Variants in ANTXR1 observed in about 807,000 individuals in gnomAD.
ANTXR1 encodes ANTXR cell adhesion molecule 1.
ANTXR1 carries 19 observed loss-of-function variants against 78.1 expected under a neutral mutation model. The observed-to-expected ratio is 0.24, with a 90% CI of 0.17 to 0.36. ANTXR1 has a LOEUF of 0.36. Among genes scored for constraint, ANTXR1 ranks in the 10% least tolerant of loss-of-function variants. The pLI, the probability that ANTXR1 is intolerant of heterozygous loss-of-function variation, is 1.00. For synonymous variants in ANTXR1, 273 were observed against 260.5 expected, an observed-to-expected ratio of 1.05 and a Z score of -0.46; for missense variants, 518 against 718.6, an observed-to-expected ratio of 0.72 and a Z score of 3.19.
intron 10 of ANTXR1, among the ~76,000 whole-genome samples, chr2:69,105,608 A>T (rs1671783339): frequency 6.6e-6 from 1 of 152,198 alleles, no homozygotes; most frequent in Non-Finnish European, 1.5e-5. Flanking sequence ...AACTTTATAA[A>T]TGTCATAGTT....
chr2:69,190,300 G>A (rs1340130557), intron 16 of ANTXR1, among the ~76,000 whole-genome samples: 1 of 152,220 alleles, frequency 6.6e-6, no homozygotes, highest in Non-Finnish European at 1.5e-5. Context: ...AATTTGGGTG[G>A]AGTGATTGGG....
chr2:69,219,113 C>T (rs953759364), intron 17 of ANTXR1, among the ~76,000 whole-genome samples: 1 of 152,102 alleles, frequency 6.6e-6, no homozygotes, highest in Non-Finnish European at 1.5e-5. Flanking sequence ...CCTCCTCATC[C>T]ACCACGAAAG....
intron 17 of ANTXR1, among the ~76,000 whole-genome samples, chr2:69,232,346 A>C (rs1435237980): frequency 6.6e-6 from 1 of 152,136 alleles, no homozygotes; most frequent in African/African-American, 2.4e-5. Context: ...ACCTGAAAAA[A>C]GAGAGAACAT....
chr2:69,153,180 C>T (rs958160102), intron 13 of ANTXR1, among the ~76,000 whole-genome samples: 1 of 152,082 alleles, frequency 6.6e-6, no homozygotes, highest in African/African-American at 2.4e-5. Context: ...ATGGAAGGGC[C>T]GGCAAGGCAC....
intron 10 of ANTXR1, among the ~76,000 whole-genome samples, chr2:69,122,771 T>A (rs939864369): frequency 6.7e-6 from 1 of 149,680 alleles, no homozygotes; most frequent in African/African-American, 2.5e-5. Context: ...CAGTCCCCGG[T>A]GTGTGATGTT....
At chr2:69,100,650 T>C (rs1410724280) in intron 9 of ANTXR1, among the ~76,000 whole-genome samples, 1 of 152,100 alleles carries the variant, frequency 6.6e-6, no homozygotes, top group Non-Finnish European at 1.5e-5. Context: ...ACAAGAGAAG[T>C]AGGCACAGAA....
intron 9 of ANTXR1, among the ~76,000 whole-genome samples, chr2:69,095,252 C>T (rs1671361338): frequency 6.6e-6 from 1 of 150,688 alleles, no homozygotes; most frequent in African/African-American, 2.4e-5. Context: ...TCCTTTCTTC[C>T]TCCTTTCATC....
chr2:69,192,595 A>G (rs948188415), intron 16 of ANTXR1, among the ~76,000 whole-genome samples: 11 of 152,190 alleles, frequency 7.2e-5, no homozygotes, highest in African/African-American at 2.2e-4. Flanking sequence ...CCTTAATCAC[A>G]TTTGCAAAGT....
chr2:69,199,387 A>G (rs1200279983), intron 17 of ANTXR1, among the ~76,000 whole-genome samples: 13 of 152,144 alleles, frequency 8.5e-5, no homozygotes, highest in Non-Finnish European at 1.6e-4. Flanking sequence ...GTCCTAGGCA[A>G]TATTTCTATA....
intron 1 of ANTXR1, among the ~76,000 whole-genome samples, chr2:69,031,378 C>G (rs1463734071): frequency 6.6e-6 from 1 of 152,138 alleles, no homozygotes; most frequent in Non-Finnish European, 1.5e-5. Context: ...TGTAGCTTAT[C>G]TTAATTGATA....
chr2:69,181,763 C>T, intron 14 of ANTXR1, 23 bp from the exon 15 acceptor site: 1 of 1,612,792 alleles, frequency 6.2e-7, no homozygotes, highest in Non-Finnish European at 8.5e-7. Context: ...TTGCTTCCTT[C>T]ATGTGCCACA....
At chr2:69,124,842 G>A (rs1376413246) in intron 12 of ANTXR1, among the ~76,000 whole-genome samples, 199 bp downstream of exon 12, 2 of 152,180 alleles carry the variant, frequency 1.3e-5, no homozygotes, top group Non-Finnish European at 2.9e-5. Context: ...TATCAGGCAT[G>A]TCTGTGTTAA....
intron 16 of ANTXR1, among the ~76,000 whole-genome samples, chr2:69,192,345 T>C (rs1305417585): frequency 6.6e-6 from 1 of 152,198 alleles, no homozygotes; most frequent in Non-Finnish European, 1.5e-5. Context: ...TTGTCTTTTA[T>C]AGATGCTAGA....
intron 17 of ANTXR1, among the ~76,000 whole-genome samples, chr2:69,216,910 G>T (rs987831110): frequency 6.6e-6 from 1 of 152,180 alleles, no homozygotes; most frequent in Non-Finnish European, 1.5e-5. Flanking sequence ...AGCACTCTCT[G>T]GGTGCTGCCT....
intron 12 of ANTXR1, among the ~76,000 whole-genome samples, chr2:69,127,683 G>A (rs1051066222): frequency 3.3e-5 from 5 of 152,124 alleles, no homozygotes; most frequent in African/African-American, 1.2e-4. Context: ...AATGGAGGTG[G>A]AGAGAAGTTG....
chr2:69,130,029 T>G (rs771055857), intron 12 of ANTXR1, among the ~76,000 whole-genome samples: 3 of 152,208 alleles, frequency 2.0e-5, no homozygotes, highest in Non-Finnish European at 4.4e-5. Flanking sequence ...ACTTTGTTGT[T>G]GTTTTTCCTT....
Position 69,245,752 on chromosome 2 carries a change from G to T in ANTXR1, c.*267G>T. On this transcript the variant is annotated 3_prime_UTR_variant, in exon 18 of 18. Transcript: ENST00000303714. The stretch of plus-strand genomic sequence containing the variant: ...AGAAGGTTCCAGAGACAGTGAAACT[G>T]CAAGATGCTCTCAACAGGATTATGT... 2.2e-6 allele frequency: 1 copy of T among 449,690 alleles called. No homozygotes were observed. 27.9% of individuals were successfully genotyped at this position (449,690 alleles called of 1,614,324 possible).
intron 12 of ANTXR1, among the ~76,000 whole-genome samples, chr2:69,126,767 G>T (rs1346975062): frequency 6.6e-6 from 1 of 152,180 alleles, no homozygotes; most frequent in Non-Finnish European, 1.5e-5. Flanking sequence ...TGCAAAATTA[G>T]AAGAATTCCC....
At chr2:69,127,839 A>C (rs1288651280) in intron 12 of ANTXR1, among the ~76,000 whole-genome samples, 1 of 152,206 alleles carries the variant, frequency 6.6e-6, no homozygotes, top group African/African-American at 2.4e-5. Context: ...GCTGCCAGAC[A>C]GGAAGAAGAC....
Sources: gnomAD v4.1 joint callset for allele counts (sites outside exome capture counted in the v4.1 genomes callset) on GRCh38, gnomAD v4.1.1 for gene constraint, MANE v1.5 for transcripts, NCBI Gene and HGNC (gene_info 2026-07-23, HGNC 2026-07-21) for gene names.